Variants in TEX2 observed in about 807,000 individuals in gnomAD.
TEX2 encodes the protein testis-expressed protein 2.
TEX2 carries 53 observed loss-of-function variants against 106.9 expected under a neutral mutation model. The observed-to-expected ratio is 0.50, with a 90% CI of 0.40 to 0.62. TEX2 has a LOEUF of 0.62. Ranked by LOEUF, TEX2 falls within the 20% of genes least tolerant of loss-of-function variation. TEX2 has a pLI of 0.00. For synonymous variants in TEX2, 523 were observed against 534.8 expected (o/e 0.98, Z 0.30); for missense variants, 1,207 against 1,379.0 (o/e 0.88, Z 1.98).
At position 64,213,789 on chromosome 17, in the gene TEX2, G is replaced by A. The variant is rs782453482; in HGVS notation, c.429C>T (p.Pro143=). Residue 143 remains proline, a synonymous_variant, in exon 2 of 12, where the codon CCC becomes CCT. Coordinates refer to ENST00000584379, the MANE Select transcript of TEX2 (RefSeq NM_001288732.2). The surrounding 1 kb of genome is among the most constrained non-coding windows in gnomAD (Gnocchi z 4.4). ...ATGACACACTGGGAGAGCTAGCTAA[G>A]GGCCCCGACGAAGACGACCCTGGGG... ...AVSPGSSSSG[P]LASSPSVSSL... 4 of 1,614,192 alleles carry A rather than the reference G, an allele frequency of 2.5e-6. No homozygotes were observed. Among genetic ancestry groups the A allele is most frequent in the South Asian group, 1.1e-5 (1 of 91,086 alleles).
chr17:64,228,895 C>G (rs896433429), intron 1 of TEX2, among the ~76,000 whole-genome samples: 3 of 150,512 alleles, frequency 2.0e-5, no homozygotes, highest in African/African-American at 7.4e-5. Context: ...TTTCTTGGAC[C>G]ACCTCCTATG....
chr17:64,154,146 A>G (rs2030497488), intron 9 of TEX2, among the ~76,000 whole-genome samples: 1 of 152,214 alleles, frequency 6.6e-6, no homozygotes, highest in South Asian at 2.1e-4. Context: ...ACTGTAAATA[A>G]TACACACAAA....
intron 1 of TEX2, among the ~76,000 whole-genome samples, chr17:64,251,620 G>A (rs2034093987): frequency 6.6e-6 from 1 of 152,160 alleles, no homozygotes; most frequent in African/African-American, 2.4e-5. Context: ...CTTTTGACAT[G>A]TCAGGTGGAC....
At chr17:64,202,596 T>C (rs2032706754) in intron 2 of TEX2, among the ~76,000 whole-genome samples, 1 of 152,220 alleles carries the variant, frequency 6.6e-6, no homozygotes, top group African/African-American at 2.4e-5. Flanking sequence ...CTCCAAGGTC[T>C]TCATCCTGTT....
intron 10 of TEX2, 102 bp downstream of exon 10, chr17:64,152,843 G>A (rs557502120): frequency 1.2e-5 from 14 of 1,194,684 alleles, no homozygotes; most frequent in Admixed American, 2.4e-5. Flanking sequence ...GCTTCTGCCC[G>A]GGAGAAGGTA....
intron 1 of TEX2, among the ~76,000 whole-genome samples, chr17:64,235,118 T>C (rs1400693878): frequency 1.3e-5 from 2 of 152,238 alleles, no homozygotes; most frequent in African/African-American, 4.8e-5. Context: ...GCCAGCCCTC[T>C]AGCTAATCAC....
rs371200567 is a variant in TEX2 at position 64,250,430 on chromosome 17, T to C, written c.-26+12738A>G. Among the ~76,000 whole-genome samples the C allele has an allele frequency of 2.6e-5, 4 of 152,336 alleles. No homozygotes were observed. In the East Asian group the frequency reaches 5.8e-4, roughly 22 times the overall value. On this transcript the variant is annotated intron_variant, in intron 1 of 11. Coordinates refer to ENST00000584379, the MANE Select transcript of TEX2 (RefSeq NM_001288732.2). ...AGCTCCCTTGCCCTCTGGATGGCTT[T>C]TCCTCATTTGTCATCATTAAGTCCA...
intron 1 of TEX2, among the ~76,000 whole-genome samples, chr17:64,254,151 A>G (rs1413809868): frequency 6.6e-6 from 1 of 152,194 alleles, no homozygotes; most frequent in Non-Finnish European, 1.5e-5. Flanking sequence ...TTTCACTCAG[A>G]GATTCACTCC....
intron 5 of TEX2, among the ~76,000 whole-genome samples, chr17:64,179,903 T>A (rs2031785394): frequency 6.6e-6 from 1 of 152,218 alleles, no homozygotes; most frequent in Non-Finnish European, 1.5e-5. Context: ...TTTCTGTCAT[T>A]AACCAAGACA....
intron 1 of TEX2, among the ~76,000 whole-genome samples, chr17:64,242,939 T>A (rs2143418526): frequency 6.6e-6 from 1 of 151,886 alleles, no homozygotes; most frequent in East Asian, 1.9e-4. Flanking sequence ...AAATTTTTTT[T>A]TTTTTTTGAG....
intron 1 of TEX2, among the ~76,000 whole-genome samples, chr17:64,236,958 T>A (rs946292907): frequency 2.0e-5 from 3 of 152,206 alleles, no homozygotes; most frequent in Non-Finnish European, 4.4e-5. Context: ...TCCTGTCTTA[T>A]AATTTGCAAA....
rs527290792 is a variant in TEX2 at position 64,230,127 on chromosome 17, A to C, written c.-25-15885T>G. Among the ~76,000 whole-genome samples, 5 of 152,314 alleles carry C rather than the reference A, an allele frequency of 3.3e-5. No homozygotes were observed. The South Asian group carries it at 6.2e-4, about 19-fold the overall frequency. On this transcript the variant is annotated intron_variant, in intron 1 of 11. Coordinates refer to ENST00000584379, the MANE Select transcript of TEX2 (RefSeq NM_001288732.2). ...TTAAGATGTGTGCATGCATGTGTGCACATGTGTATGTGCATGTATGTGTGC... is the reference window on the plus strand; with the variant it reads ...TTAAGATGTGTGCATGCATGTGTGCCCATGTGTATGTGCATGTATGTGTGC...
At position 64,214,149 on chromosome 17, in the gene TEX2, C is replaced by T. The variant is rs1363180019; in HGVS notation, c.69G>A (p.Val23=). The change falls in exon 2 of 12, where the codon GTG becomes GTA. Residue 23 remains valine, a synonymous_variant. Coordinates refer to ENST00000584379, the MANE Select transcript of TEX2 (RefSeq NM_001288732.2). The part of the protein sequence containing the change: ...TDMPKPSAPK[V]HVQRSVSRDT... Reference sequence around the variant, plus strand: ...CTCGGGACACGGACCTCTGCACGTGCACTTTAGGGGCTGATGGTTTTGGCA... The same window carrying T: ...CTCGGGACACGGACCTCTGCACGTGTACTTTAGGGGCTGATGGTTTTGGCA... The T allele has an allele frequency of 3.7e-6, 6 of 1,614,056 alleles. No homozygotes were observed. The African/African-American group carries it at 8.0e-5, about 22-fold the overall frequency.
intron 1 of TEX2, chr17:64,256,017 C>G (rs2034177506): frequency 6.6e-6 from 1 of 152,342 alleles, no homozygotes; most frequent in African/African-American, 2.4e-5. Flanking sequence ...GAGATGCCTA[C>G]AGGTAGGGCC....
At chr17:64,204,216 T>C (rs940742) in intron 2 of TEX2, among the ~76,000 whole-genome samples, 5 of 152,072 alleles carry the variant, frequency 3.3e-5, no homozygotes, top group African/African-American at 1.2e-4. Context: ...TTACTTATAA[T>C]TTATACACAT....
chr17:64,198,083 T>C (rs1220475377), intron 2 of TEX2, among the ~76,000 whole-genome samples: 7 of 152,162 alleles, frequency 4.6e-5, no homozygotes, highest in Non-Finnish European at 8.8e-5. Flanking sequence ...TGTAATTTCA[T>C]AATAGGAAAC....
intron 5 of TEX2, among the ~76,000 whole-genome samples, chr17:64,177,850 G>T (rs2031676614): frequency 6.6e-6 from 1 of 152,218 alleles, no homozygotes. Flanking sequence ...GCTTGGACGT[G>T]TAATTGTCAA....
At chr17:64,258,664 A>G (rs781872224) in intron 1 of TEX2, among the ~76,000 whole-genome samples, 1 of 152,100 alleles carries the variant, frequency 6.6e-6, no homozygotes, top group Non-Finnish European at 1.5e-5. Flanking sequence ...CAATTGTTTA[A>G]TTTCTCAGAT....
intron 1 of TEX2, among the ~76,000 whole-genome samples, chr17:64,225,834 C>T (rs1336637741): frequency 1.3e-5 from 2 of 152,150 alleles, no homozygotes; most frequent in Admixed American, 6.5e-5. Flanking sequence ...TCTCTTGCCT[C>T]AGCCTCCCAA....
Sources: gnomAD v4.1 joint callset for allele counts (sites outside exome capture counted in the v4.1 genomes callset) on GRCh38, gnomAD v4.1.1 for gene constraint, Gnocchi (gnomAD v3.1) non-coding constraint, MANE v1.5 for transcripts, NCBI Gene and HGNC (gene_info 2026-07-23, HGNC 2026-07-21) for gene names.